The following CNTNAP5 variants were observed in gnomAD, a reference collection of about 807,000 sequenced individuals.
CNTNAP5 encodes contactin associated protein family member 5, also known as contactin-associated protein-like 5.
In CNTNAP5, 72 loss-of-function variants were observed where a neutral mutation model predicts 150.2. The observed-to-expected ratio is 0.48, with a 90% CI of 0.40 to 0.58. The LOEUF is 0.58. CNTNAP5 is among the 20% of genes least tolerant of loss of function. CNTNAP5 has a pLI of 0.00. For missense variants in CNTNAP5, 1,636 were observed against 1,626.2 expected (o/e 1.01, Z -0.10); for synonymous variants, 672 against 619.8 (o/e 1.08, Z -1.25).
intron 1 of CNTNAP5, among the ~76,000 whole-genome samples, chr2:124,048,923 C>T (rs1003252726): frequency 7.2e-5 from 11 of 152,194 alleles, no homozygotes; most frequent in East Asian, 3.8e-4. Flanking sequence ...TTATGCAATA[C>T]GTTAGGTTAC....
chr2:124,305,265 A>G (rs984962244), intron 3 of CNTNAP5, among the ~76,000 whole-genome samples: 4 of 133,198 alleles, frequency 3.0e-5, no homozygotes, highest in South Asian at 2.2e-4. Flanking sequence ...ATGACAGTCT[A>G]AAAAAAAAAA....
chr2:124,073,618 A>G (rs1289902442), intron 1 of CNTNAP5, among the ~76,000 whole-genome samples: 1 of 152,138 alleles, frequency 6.6e-6, no homozygotes, highest in East Asian at 1.9e-4. Flanking sequence ...AGATAAATGC[A>G]AAGGAAAACT....
At position 124,422,539 on chromosome 2, in the gene CNTNAP5, G is replaced by A. The variant is rs563676066; in HGVS notation, c.529+4949G>A. On this transcript the variant is annotated intron_variant, in intron 4 of 23. Transcript: ENST00000682447. ...ACATCTGCTTCCCCTGACTCGACAA[G>A]ATAGTTTTGCACAGTGCCCTGGATT... Among the ~76,000 whole-genome samples the A allele has an allele frequency of 3.0e-4, 46 of 152,340 alleles. No individual in the cohort carries two copies. The South Asian group carries it at 8.7e-3, about 29-fold the overall frequency.
intron 10 of CNTNAP5, among the ~76,000 whole-genome samples, chr2:124,541,777 C>T (rs1335641467): frequency 4.6e-5 from 7 of 152,148 alleles, no homozygotes; most frequent in Non-Finnish European, 1.0e-4. Flanking sequence ...ATCCTCACAA[C>T]TCTAAGAGCC....
At chr2:124,229,252 C>T (rs1373127759) in intron 2 of CNTNAP5, among the ~76,000 whole-genome samples, 1 of 152,046 alleles carries the variant, frequency 6.6e-6, no homozygotes, top group Admixed American at 6.6e-5. Flanking sequence ...TAATGAGTTC[C>T]ATCAATAACA....
Position 124,517,466 on chromosome 2 carries a change from T to G in CNTNAP5, c.1328-6837T>G, listed in dbSNP as rs114474866. On this transcript the variant is annotated intron_variant, in intron 8 of 23. Coordinates refer to ENST00000682447, the MANE Select transcript of CNTNAP5 (RefSeq NM_001367498.1). ...TGTTGGTAATGGAAGGTTGTGTTGT[T>G]GCTCATGGGAGGTTGTGGTGTTGGT... Among the ~76,000 whole-genome samples the G allele has an allele frequency of 3.3e-3, 499 of 150,784 alleles. 4 individuals carry two copies. Among genetic ancestry groups the G allele is most frequent in the African/African-American group, 0.011 (462 of 40,932 alleles).
chr2:124,839,461 C>G (rs577855267), intron 19 of CNTNAP5, among the ~76,000 whole-genome samples: 15 of 151,910 alleles, frequency 9.9e-5, no homozygotes, highest in African/African-American at 3.6e-4. Context: ...TTCCCCCTCT[C>G]TCTTTACTCT....
At chr2:124,822,660 T>G (rs112552064) in intron 19 of CNTNAP5, among the ~76,000 whole-genome samples, 2,323 of 152,312 alleles carry the variant, frequency 0.015, 55 homozygotes, top group African/African-American at 0.053. Context: ...CTCTAATGAT[T>G]CTAGGCAAAC....
chr2:124,165,190 G>C (rs371088065), intron 1 of CNTNAP5, among the ~76,000 whole-genome samples: 1 of 152,142 alleles, frequency 6.6e-6, no homozygotes, highest in African/African-American at 2.4e-5. Flanking sequence ...CATAGTCAAA[G>C]CCACAGTCTT....
intron 1 of CNTNAP5, among the ~76,000 whole-genome samples, chr2:124,172,764 G>GCTCT (rs374167870): frequency 6.7e-6 from 1 of 148,432 alleles, no homozygotes; most frequent in African/African-American, 2.5e-5. Context: ...TCTCTCTCTG[G>GCTCT]CTCTCTCTCT....
Position 124,486,375 on chromosome 2 carries a change from A to G in CNTNAP5, c.1062+11493A>G, listed in dbSNP as rs541546744. On this transcript the variant is annotated intron_variant, in intron 7 of 23. Transcript: ENST00000682447. ...TGTACACTGCTTGGGTGACAGGTCCATCAATATCTCAGAAATCACCACTAA... is the reference window on the plus strand; with the variant it reads ...TGTACACTGCTTGGGTGACAGGTCCGTCAATATCTCAGAAATCACCACTAA... 2.0e-5 allele frequency among the ~76,000 whole-genome samples: 3 copies of G among 152,322 alleles called. No individual in the cohort carries two copies. The South Asian group carries it at 6.2e-4, about 32-fold the overall frequency.
chr2:124,817,416 T>C (rs377271362), intron 19 of CNTNAP5, among the ~76,000 whole-genome samples: 1 of 151,904 alleles, frequency 6.6e-6, no homozygotes, highest in Non-Finnish European at 1.5e-5. Flanking sequence ...AAAAAAAAAG[T>C]AAAACAACAC....
At chr2:124,443,107 G>A (rs149257451) in intron 5 of CNTNAP5, among the ~76,000 whole-genome samples, 1 of 152,002 alleles carries the variant, frequency 6.6e-6, no homozygotes, top group African/African-American at 2.4e-5. Flanking sequence ...GTGCCCAAGC[G>A]AGATAATATC....
At chr2:124,882,431 A>G (rs1558812180) in intron 21 of CNTNAP5, among the ~76,000 whole-genome samples, 1 of 152,126 alleles carries the variant, frequency 6.6e-6, no homozygotes, top group African/African-American at 2.4e-5. Context: ...TTACAGAACA[A>G]TTGATCTTTA....
intron 1 of CNTNAP5, among the ~76,000 whole-genome samples, chr2:124,090,718 A>G (rs1438960165): frequency 6.6e-6 from 1 of 152,198 alleles, no homozygotes; most frequent in Non-Finnish European, 1.5e-5. Context: ...ATTGTCTACC[A>G]TTGTATTAGC....
chr2:124,252,269 C>T (rs116174812), intron 3 of CNTNAP5, among the ~76,000 whole-genome samples: 1,729 of 152,238 alleles, frequency 0.011, 30 homozygotes, highest in African/African-American at 0.033. Context: ...TTAATAGGCA[C>T]GTAATTTAAG....
chr2:124,713,871 C>T (rs1331595817), intron 13 of CNTNAP5, among the ~76,000 whole-genome samples: 2 of 152,164 alleles, frequency 1.3e-5, no homozygotes, highest in Non-Finnish European at 2.9e-5. Context: ...CAACACCTGA[C>T]TCCCCATCTC....
At chr2:124,330,973 G>T (rs984081778) in intron 3 of CNTNAP5, among the ~76,000 whole-genome samples, 1 of 152,004 alleles carries the variant, frequency 6.6e-6, no homozygotes, top group Non-Finnish European at 1.5e-5. Context: ...TTGATGTTGA[G>T]TTAGCAATTT....
intron 3 of CNTNAP5, among the ~76,000 whole-genome samples, chr2:124,389,304 TC>T (rs1691051024): frequency 6.6e-6 from 1 of 152,194 alleles, no homozygotes; most frequent in Non-Finnish European, 1.5e-5. Context: ...TGTCCTTTTT[TC>T]CAAATTCTAC....
Sources: allele counts gnomAD v4.1 joint callset (sites outside exome capture counted in the v4.1 genomes callset), GRCh38; gene constraint gnomAD v4.1.1; transcripts MANE v1.5; gene names NCBI Gene and HGNC (gene_info 2026-07-23, HGNC 2026-07-21).